Variants in NLRP9 observed in about 807,000 individuals in gnomAD.
The protein encoded by NLRP9 is NACHT, LRR and PYD domains-containing protein 9.
Under a neutral mutation model 83.1 loss-of-function variants are expected in NLRP9, and 88 were observed. The observed-to-expected ratio is 1.06, with a 90% CI of 0.89 to 1.26. NLRP9 has a LOEUF of 1.26. Ranked by LOEUF, NLRP9 falls within the 50% of genes most tolerant of loss-of-function variation. NLRP9 has a pLI of 0.00. For synonymous variants in NLRP9, 521 were observed against 447.6 expected (o/e 1.16, Z -2.07); for missense variants, 1,308 against 1,179.3 (o/e 1.11, Z -1.60).
chr19:55,717,035 T>TTC (rs1402047046), intron 4 of NLRP9, 137 bp from the exon 5 acceptor site: 6 of 322,742 alleles, frequency 1.9e-5, no homozygotes, highest in Non-Finnish European at 1.6e-5. Flanking sequence ...CTCTTTTTCT[T>TTC]TTTTTTTTTT....
At chr19:55,711,109 A>AAAC (rs35304216) in intron 8 of NLRP9, among the ~76,000 whole-genome samples, 8 of 56,116 alleles carry the variant, frequency 1.4e-4, no homozygotes, top group Non-Finnish European at 2.4e-4. Flanking sequence ...AAAACAAAAC[A>AAAC]AAAAAAAAAC....
intron 4 of NLRP9, among the ~76,000 whole-genome samples, chr19:55,723,020 A>T (rs142382578): frequency 7.9e-5 from 12 of 152,220 alleles, no homozygotes; most frequent in South Asian, 2.1e-4. Context: ...GGGGGAGGGA[A>T]AGCATTAGGA....
chr19:55,713,594 C>G (rs1291175130), intron 6 of NLRP9, among the ~76,000 whole-genome samples: 5 of 87,842 alleles, frequency 5.7e-5, no homozygotes, highest in Non-Finnish European at 9.8e-5. Flanking sequence ...CTCCCCTCCT[C>G]CTCCTCTCCC....
At chr19:55,728,501 G>A (rs964862402) in intron 3 of NLRP9, among the ~76,000 whole-genome samples, 10 of 151,970 alleles carry the variant, frequency 6.6e-5, no homozygotes, top group Non-Finnish European at 1.3e-4. Context: ...GAACCCGGGA[G>A]GTGGAGGTTG....
chr19:55,724,254 T>C (rs1171255835), intron 3 of NLRP9, 110 bp from the exon 4 acceptor site: 1 of 669,880 alleles, frequency 1.5e-6, no homozygotes, highest in East Asian at 2.9e-5. Context: ...ACCACACTGT[T>C]TCTGGAATTC....
rs762767419 is a variant in NLRP9 at position 55,723,971 on chromosome 19, C to T, written c.2159+9G>A. 157 of 1,607,178 alleles carry T rather than the reference C, an allele frequency of 9.8e-5. 1 individual carries two copies. Among genetic ancestry groups the T allele is most frequent in the Admixed American group, 1.5e-4 (9 of 58,534 alleles). On this transcript the variant is annotated intron_variant, in intron 4 of 8. Coordinates refer to ENST00000332836, the MANE Select transcript of NLRP9 (RefSeq NM_176820.4). ...GAAACAGCACTCGGCATGAACAGCC[C>T]GGACTTACATCAGCTCTTCTATCTT...
In NLRP9 at chr19:55,711,948, G is replaced by C. The variant is rs148511077; in HGVS notation, c.2695C>G (p.Arg899Gly). 51 of 1,612,896 alleles carry C rather than the reference G, an allele frequency of 3.2e-5. No homozygotes were observed. In the South Asian group the frequency reaches 5.3e-4, roughly 17 times the overall value. ...GCGGCGATGTCGTCGCAGCAGGCACGGGTGATCGGACACGTTTGCAGCCTG... is the reference window on the plus strand; with the variant it reads ...GCGGCGATGTCGTCGCAGCAGGCACCGGTGATCGGACACGTTTGCAGCCTG... The part of the protein sequence containing the change: ...CLGLQTCPIT[R>G]ACCDDIAAAL... Residue 899 changes from arginine (R) to glycine (G), a missense_variant, in exon 8 of 9, where the codon CGT (arginine) becomes GGT (glycine). Coordinates refer to ENST00000332836, the MANE Select transcript of NLRP9 (RefSeq NM_176820.4).
At chr19:55,737,043 G>A (rs1226999775) in intron 1 of NLRP9, among the ~76,000 whole-genome samples, 2 of 152,074 alleles carry the variant, frequency 1.3e-5, no homozygotes, top group African/African-American at 4.8e-5. Flanking sequence ...ACAATCATCA[G>A]AAACAAATGC....
At chr19:55,728,107 G>A (rs1056885746) in intron 3 of NLRP9, among the ~76,000 whole-genome samples, 12 of 152,300 alleles carry the variant, frequency 7.9e-5, no homozygotes, top group East Asian at 1.9e-4. Context: ...TTCAATGTCC[G>A]TGGTTTTTAC....
At chr19:55,718,026 C>G (rs1477037635) in intron 4 of NLRP9, among the ~76,000 whole-genome samples, 1 of 152,220 alleles carries the variant, frequency 6.6e-6, no homozygotes, top group African/African-American at 2.4e-5. Context: ...TGCTGATAAT[C>G]CATAACTTTA....
At position 55,737,734 on chromosome 19, in the gene NLRP9, T is replaced by TAAAAAAAAAAAAAAAAAAA. The variant is rs57736610; in HGVS notation, c.280+342_280+360dup. The TAAAAAAAAAAAAAAAAAAA allele has an allele frequency of 1.7e-4, 14 of 80,292 alleles. 1 individual carries two copies. Among genetic ancestry groups the TAAAAAAAAAAAAAAAAAAA allele is most frequent in the Admixed American group, 2.8e-4 (2 of 7,248 alleles). 5.0% of individuals were successfully genotyped at this position (80,292 alleles called of 1,614,324 possible). A position where few individuals can be genotyped will look rare whatever the true frequency, so the allele number is the denominator to read the frequency against. On this transcript the variant is annotated intron_variant, in intron 1 of 8. Coordinates refer to ENST00000332836, the MANE Select transcript of NLRP9 (RefSeq NM_176820.4). ...GAGCAACATGGCAAGACCCTTTCTCTAAAAAAAAAAAAAAAAAAAAAAAAA... is the reference window on the plus strand; with the variant it reads ...GAGCAACATGGCAAGACCCTTTCTCTAAAAAAAAAAAAAAAAAAAAAAAAAAAAAAAAAAAAAAAAAAAA...
At chr19:55,722,760 A>G (rs949199416) in intron 4 of NLRP9, among the ~76,000 whole-genome samples, 8 of 152,248 alleles carry the variant, frequency 5.3e-5, no homozygotes, top group South Asian at 4.1e-4. Flanking sequence ...ACGCCCATCA[A>G]TGATAGACTG....
Position 55,712,465 on chromosome 19 carries a change from A to C in NLRP9, c.2627T>G (p.Leu876Ter). The change falls in exon 7 of 9, where the codon TTA becomes TGA. Residue 876 changes from leucine (L) to a stop codon, truncating the protein, a stop_gained. Coordinates refer to ENST00000332836, the MANE Select transcript of NLRP9 (RefSeq NM_176820.4). LOFTEE classifies it high-confidence loss of function. ...GTGAGGATGCTGCAAAGCTGCACAT[A>C]ACTGTCTGACACCAGTGTCTCCTAT... ...NEIGDTGVRQ[L>*]CAALQHPHCK... is the part of the protein sequence containing the mutation. The C allele has an allele frequency of 6.2e-7, 1 of 1,612,792 alleles. No homozygotes were observed. The highest frequency in any genetic ancestry group is 8.5e-7 in the Non-Finnish European group (1 of 1,179,824).
At chr19:55,713,095 C>T (rs1394105927) in intron 6 of NLRP9, among the ~76,000 whole-genome samples, 1 of 150,284 alleles carries the variant, frequency 6.7e-6, no homozygotes, top group African/African-American at 2.5e-5. Flanking sequence ...TTCTCTGTGG[C>T]CTCTCCTCAT....
rs376956230 is a variant in NLRP9, at chr19:55,716,723, C to T, written c.2330+5G>A. On this transcript the variant is annotated splice_donor_5th_base_variant and intron_variant, in intron 5 of 8. Transcript: ENST00000332836. The stretch of plus-strand genomic sequence containing the variant: ...TCCGAACGTGCTTCCCGCAGACCAA[C>T]TTACATCAGCCTCTCCAGGGCACAG... 2.7e-5 allele frequency: 43 copies of T among 1,612,442 alleles called. No individual in the cohort carries two copies. The highest frequency in any genetic ancestry group is 1.7e-4 in the Middle Eastern group (1 of 6,030).
At chr19:55,737,772 A>G (rs1988824539) in intron 1 of NLRP9, among the ~76,000 whole-genome samples, 1 of 148,062 alleles carries the variant, frequency 6.8e-6, no homozygotes, top group South Asian at 2.1e-4. Flanking sequence ...ATAGGCAACT[A>G]CCATACTAGA....
intron 5 of NLRP9, among the ~76,000 whole-genome samples, chr19:55,715,567 C>G (rs1206994149): frequency 6.6e-6 from 1 of 152,120 alleles, no homozygotes; most frequent in African/African-American, 2.4e-5. Context: ...ACCTGTAATC[C>G]CAGCTACTCG....
Position 55,708,817 on chromosome 19 carries a change from C to T in NLRP9, c.*95G>A. The T allele has an allele frequency of 1.2e-6, 1 of 806,464 alleles. No homozygotes were observed. The highest frequency in any genetic ancestry group is 3.0e-5 in the Admixed American group (1 of 33,496). 50.0% of individuals were successfully genotyped at this position (806,464 alleles called of 1,614,324 possible). A position where few individuals can be genotyped will look rare whatever the true frequency, so the allele number is the denominator to read the frequency against. On this transcript the variant is annotated 3_prime_UTR_variant, in exon 9 of 9. Coordinates refer to ENST00000332836, the MANE Select transcript of NLRP9 (RefSeq NM_176820.4). ...TACCTCTGAAATCACAGCCCTGCTG[C>T]CATGATGTGCAATTACAGGATAGAG... is the stretch of plus-strand genomic sequence containing the variant.
At chr19:55,731,092 ATT>A (rs1356133892) in intron 2 of NLRP9, among the ~76,000 whole-genome samples, 1 of 152,164 alleles carries the variant, frequency 6.6e-6, no homozygotes, top group Non-Finnish European at 1.5e-5. Flanking sequence ...AACAAGGGTT[ATT>A]TGGTGACCCC....
Sources: allele counts gnomAD v4.1 joint callset (sites outside exome capture counted in the v4.1 genomes callset), GRCh38; gene constraint gnomAD v4.1.1; transcripts MANE v1.5; gene names NCBI Gene and HGNC (gene_info 2026-07-23, HGNC 2026-07-21).